The following LSAMP variants were observed in gnomAD, a reference collection of about 807,000 sequenced individuals.
LSAMP encodes the protein limbic system associated membrane protein.
In LSAMP, 7 loss-of-function variants were observed where a neutral mutation model predicts 38.6. That is an observed-to-expected ratio of 0.18 (90% CI 0.10 to 0.34). The LOEUF (loss-of-function observed/expected upper bound fraction) is 0.34. LSAMP is among the 10% of genes least tolerant of loss of function. LSAMP has a pLI of 1.00. For missense variants in LSAMP, 313 were observed against 420.0 expected (o/e 0.75, Z 2.23); for synonymous variants, 154 against 166.8 (o/e 0.92, Z 0.59).
intron 1 of LSAMP, among the ~76,000 whole-genome samples, chr3:116,145,624 C>T (rs1461026838): frequency 2.0e-5 from 3 of 151,952 alleles, no homozygotes; most frequent in African/African-American, 7.2e-5. Context: ...ACAGCAATAT[C>T]TGGACTGGTG....
chr3:116,004,591 T>C (rs1453329228), intron 3 of LSAMP, among the ~76,000 whole-genome samples: 1 of 150,824 alleles, frequency 6.6e-6, no homozygotes, highest in Non-Finnish European at 1.5e-5. Flanking sequence ...TTTGGTTTGA[T>C]GTCTATATAT....
intron 1 of LSAMP, among the ~76,000 whole-genome samples, chr3:116,391,331 T>C (rs1468588936): frequency 6.7e-6 from 1 of 149,678 alleles, no homozygotes; most frequent in Non-Finnish European, 1.5e-5. Context: ...GGCCGCTGAC[T>C]GCGCTGTCCC....
intron 2 of LSAMP, among the ~76,000 whole-genome samples, chr3:116,071,930 C>A (rs1210778820): frequency 6.6e-6 from 1 of 150,696 alleles, no homozygotes; most frequent in African/African-American, 2.4e-5. Context: ...GACATGATCT[C>A]ATTCCTTTTT....
At chr3:115,997,902 A>G (rs1020293158) in intron 3 of LSAMP, among the ~76,000 whole-genome samples, 1 of 146,880 alleles carries the variant, frequency 6.8e-6, no homozygotes, top group African/African-American at 2.5e-5. Flanking sequence ...TCTAATATAT[A>G]AAATACATAT....
intron 3 of LSAMP, among the ~76,000 whole-genome samples, chr3:115,982,390 A>G (rs1330480947): frequency 6.6e-6 from 1 of 152,230 alleles, no homozygotes; most frequent in Non-Finnish European, 1.5e-5. Flanking sequence ...GATGCCTATT[A>G]GTCCACACTG....
chr3:115,925,265 A>T (rs1216351186), intron 3 of LSAMP, among the ~76,000 whole-genome samples: 3 of 152,192 alleles, frequency 2.0e-5, no homozygotes, highest in Non-Finnish European at 4.4e-5. Flanking sequence ...CAAATGTAAA[A>T]AGAGGAGAGG....
At chr3:116,206,835 A>G (rs961301963) in intron 1 of LSAMP, among the ~76,000 whole-genome samples, 15 of 151,204 alleles carry the variant, frequency 9.9e-5, no homozygotes, top group African/African-American at 3.4e-4. Context: ...TATGTGGTCA[A>G]TTTTGGAATA....
intron 1 of LSAMP, among the ~76,000 whole-genome samples, chr3:116,130,817 C>G (rs956931482): frequency 6.6e-6 from 1 of 152,012 alleles, no homozygotes; most frequent in Admixed American, 6.6e-5. Context: ...GGGTAGAGAT[C>G]ATATCTATAT....
intron 1 of LSAMP, among the ~76,000 whole-genome samples, chr3:116,403,809 G>C (rs1436276322): frequency 2.6e-5 from 4 of 151,954 alleles, no homozygotes; most frequent in Non-Finnish European, 4.4e-5. Flanking sequence ...GGAGTGCAGG[G>C]GGGGTGATCA....
At chr3:116,401,144 C>T (rs1039955460) in intron 1 of LSAMP, among the ~76,000 whole-genome samples, 25 of 152,206 alleles carry the variant, frequency 1.6e-4, no homozygotes, top group Non-Finnish European at 1.3e-4. Context: ...CCTAATATCC[C>T]TCTGTACTTT....
chr3:116,416,027 T>C (rs1203242230), intron 1 of LSAMP, among the ~76,000 whole-genome samples: 2 of 152,188 alleles, frequency 1.3e-5, no homozygotes, highest in South Asian at 2.1e-4. Flanking sequence ...AATTCTAACA[T>C]AGAAATAATA....
intron 1 of LSAMP, among the ~76,000 whole-genome samples, chr3:116,143,460 G>A (rs1284316950): frequency 6.6e-6 from 1 of 151,938 alleles, no homozygotes; most frequent in African/African-American, 2.4e-5. Context: ...ATAACTTAGA[G>A]TGTAATTGGA....
chr3:115,926,607 G>C (rs1576225458), intron 3 of LSAMP, among the ~76,000 whole-genome samples: 1 of 152,156 alleles, frequency 6.6e-6, no homozygotes, highest in East Asian at 1.9e-4. Context: ...GGAGTCCTGT[G>C]GGGGTGTGCT....
At chr3:116,440,932 C>A (rs1035718435) in intron 1 of LSAMP, among the ~76,000 whole-genome samples, 1 of 152,170 alleles carries the variant, frequency 6.6e-6, no homozygotes, top group Non-Finnish European at 1.5e-5. Context: ...AGGGTTGACA[C>A]TTCATTAGTG....
At chr3:116,405,704 A>G (rs2048889629) in intron 1 of LSAMP, among the ~76,000 whole-genome samples, 1 of 152,150 alleles carries the variant, frequency 6.6e-6, no homozygotes, top group South Asian at 2.1e-4. Flanking sequence ...GAATATTGAG[A>G]TCTATAAGGC....
intron 3 of LSAMP, among the ~76,000 whole-genome samples, chr3:115,997,713 GATATATATATATATATATATATATATAT>G (rs376845636): frequency 4.4e-5 from 4 of 91,658 alleles, no homozygotes; most frequent in Non-Finnish European, 6.3e-5. Flanking sequence ...GACATTTTGG[GATATATATATATATATATATATATATAT>G]ATATATATAT....
chr3:116,434,812 A>C (rs1489852575), intron 1 of LSAMP, among the ~76,000 whole-genome samples: 1 of 152,018 alleles, frequency 6.6e-6, no homozygotes, highest in African/African-American at 2.4e-5. Context: ...AGCCTCCCAA[A>C]GTGTTGGGAT....
rs1446037267 is a variant in LSAMP, at chr3:115,897,865, AT to A, written c.515-45249del. ...ACCTCCAATTTCCTATGTTAATTAA[AT>A]TGGGAGGGCAAATTTGGTATATGAG... On this transcript the variant is annotated intron_variant, in intron 3 of 6. Coordinates refer to ENST00000490035, the MANE Select transcript of LSAMP (RefSeq NM_002338.5). Among the ~76,000 whole-genome samples the A allele has an allele frequency of 1.1e-4, 17 of 152,258 alleles. 1 individual carries two copies. Among genetic ancestry groups the A allele is most frequent in the Admixed American group, 7.9e-4 (12 of 15,284 alleles).
At chr3:116,297,119 G>A (rs1360908994) in intron 1 of LSAMP, among the ~76,000 whole-genome samples, 1 of 152,160 alleles carries the variant, frequency 6.6e-6, no homozygotes, top group African/African-American at 2.4e-5. Context: ...ACAAAATGTT[G>A]TGACTAGGTT....
Sources: allele counts gnomAD v4.1 joint callset (sites outside exome capture counted in the v4.1 genomes callset), GRCh38; gene constraint gnomAD v4.1.1; transcripts MANE v1.5; gene names NCBI Gene and HGNC (gene_info 2026-07-23, HGNC 2026-07-21).